The following TIGAR variants were observed in gnomAD, a reference collection of about 807,000 sequenced individuals.
TIGAR encodes the protein fructose-2,6-bisphosphatase TIGAR.
Under a neutral mutation model 17.9 loss-of-function variants are expected in TIGAR, and 7 were observed. The observed-to-expected ratio is 0.39, with a 90% confidence interval of 0.22 to 0.73. The LOEUF is 0.73. Ranked by LOEUF, TIGAR falls within the 30% of genes least tolerant of loss-of-function variation. The probability of loss-of-function intolerance (pLI) is 0.42; values close to 1 mark genes in which losing one functional copy is unlikely to be tolerated. For synonymous variants in TIGAR, 94 were observed against 108.6 expected, an observed-to-expected ratio of 0.87 and a Z score of 0.84; for missense variants, 258 against 327.4, an observed-to-expected ratio of 0.79 and a Z score of 1.64.
At chr12:4,323,102 CAAA>C (rs574120048) in intron 1 of TIGAR, among the ~76,000 whole-genome samples, 2 of 90,966 alleles carry the variant, frequency 2.2e-5, no homozygotes, top group African/African-American at 4.1e-5. Context: ...CTCCTCTCTA[CAAA>C]AAAAAAAAAA....
chr12:4,335,325 C>T (rs1864646529), intron 2 of TIGAR, among the ~76,000 whole-genome samples: 2 of 152,060 alleles, frequency 1.3e-5, no homozygotes, highest in Admixed American at 6.6e-5. Context: ...GCGTGAGCCA[C>T]CATGCCCGGC....
At chr12:4,346,453 T>C (rs1190401736) in intron 3 of TIGAR, among the ~76,000 whole-genome samples, 1 of 152,106 alleles carries the variant, frequency 6.6e-6, no homozygotes, top group Non-Finnish European at 1.5e-5. Flanking sequence ...ATGTCCTCTG[T>C]AGGGACATAG....
chr12:4,324,727 AC>A (rs1864521965), intron 1 of TIGAR: 6 of 746,272 alleles, frequency 8.0e-6, no homozygotes, highest in Non-Finnish European at 1.4e-5. Flanking sequence ...CTCGCAGGAC[AC>A]GTCCCGTCCC....
chr12:4,351,787 C>T (rs1044427592), intron 5 of TIGAR, among the ~76,000 whole-genome samples: 2 of 152,208 alleles, frequency 1.3e-5, no homozygotes, highest in African/African-American at 2.4e-5. Context: ...TGTTCTGCTT[C>T]GAATTGCATA....
intron 3 of TIGAR, among the ~76,000 whole-genome samples, chr12:4,346,008 CTCA>C (rs1292216011): frequency 6.6e-6 from 1 of 152,194 alleles, no homozygotes; most frequent in Non-Finnish European, 1.5e-5. Flanking sequence ...TGAAAAAATG[CTCA>C]TCATCACTGG....
At chr12:4,334,696 G>C (rs1864639972) in intron 2 of TIGAR, among the ~76,000 whole-genome samples, 1 of 152,182 alleles carries the variant, frequency 6.6e-6, no homozygotes, top group Admixed American at 6.5e-5. Flanking sequence ...TCTTTGAAAA[G>C]TCCTCTAGTG....
chr12:4,349,479 G>A lies in TIGAR; in HGVS notation c.193-340G>A, dbSNP rs889398964. 6.6e-5 allele frequency among the ~76,000 whole-genome samples: 10 copies of A among 151,546 alleles called. No homozygotes were observed. In the South Asian group the frequency reaches 1.2e-3, roughly 19 times the overall value. On this transcript the variant is annotated intron_variant, in intron 3 of 5. Transcript: ENST00000179259. ...GTCACCCAGGCTGGAGTGCAGTGGCGCAATCTCAGCTCACTGCAACCTCCG... is the reference window on the plus strand; with the variant it reads ...GTCACCCAGGCTGGAGTGCAGTGGCACAATCTCAGCTCACTGCAACCTCCG...
intron 1 of TIGAR, among the ~76,000 whole-genome samples, chr12:4,328,865 G>A (rs1473696781): frequency 6.6e-6 from 1 of 152,084 alleles, no homozygotes; most frequent in African/African-American, 2.4e-5. Flanking sequence ...GTGAGCCACC[G>A]TGCCTGGCCA....
intron 3 of TIGAR, among the ~76,000 whole-genome samples, chr12:4,339,096 G>A (rs1299664155): frequency 1.9e-4 from 28 of 149,436 alleles, no homozygotes; most frequent in East Asian, 3.9e-4. Flanking sequence ...TTGAAATGAA[G>A]ACTCCAAAAG....
chr12:4,343,019 T>C (rs1478087066), intron 3 of TIGAR, among the ~76,000 whole-genome samples: 1 of 151,808 alleles, frequency 6.6e-6, no homozygotes, highest in Admixed American at 6.6e-5. Flanking sequence ...ACACCTAGGC[T>C]CAAAATAAAG....
At chr12:4,326,010 G>A (rs1864543173) in intron 1 of TIGAR, among the ~76,000 whole-genome samples, 1 of 152,184 alleles carries the variant, frequency 6.6e-6, no homozygotes, top group South Asian at 2.1e-4. Flanking sequence ...GATTTTTGAA[G>A]AAATGCTGCA....
In TIGAR at chr12:4,321,957, G is replaced by C. The variant is rs1243624533; in HGVS notation, c.32+654G>C. ...ATGTATTTGCCAAGTGTTAACGGGAGGTGAAAATCAGGGTAGTTAAGAGCA... is the reference window on the plus strand; with the variant it reads ...ATGTATTTGCCAAGTGTTAACGGGACGTGAAAATCAGGGTAGTTAAGAGCA... On this transcript the variant is annotated intron_variant, in intron 1 of 5. Transcript: ENST00000179259. This position sits in a 1 kb window ranked among gnomAD's most constrained non-coding sequence, Gnocchi z 5.2. Among the ~76,000 whole-genome samples, 3 of 152,058 alleles carry C rather than the reference G, an allele frequency of 2.0e-5. No individual in the cohort carries two copies. The highest frequency in any genetic ancestry group is 7.2e-5 in the African/African-American group (3 of 41,410).
chr12:4,346,773 A>T (rs1864786221), intron 3 of TIGAR, among the ~76,000 whole-genome samples: 2 of 152,182 alleles, frequency 1.3e-5, no homozygotes, highest in Non-Finnish European at 2.9e-5. Context: ...TATATTAAAA[A>T]AAAATGACAA....
At chr12:4,348,598 T>C (rs574417278) in intron 3 of TIGAR, among the ~76,000 whole-genome samples, 1 of 151,576 alleles carries the variant, frequency 6.6e-6, no homozygotes, top group East Asian at 1.9e-4. Context: ...AAAGGAAAAA[T>C]GAAAAAGAAG....
chr12:4,322,900 C>G (rs960249895), intron 1 of TIGAR, among the ~76,000 whole-genome samples: 1 of 152,046 alleles, frequency 6.6e-6, no homozygotes, highest in Non-Finnish European at 1.5e-5. Flanking sequence ...GAACTAGAGG[C>G]CTGATCACCC....
chr12:4,343,815 A>C (rs937243080), intron 3 of TIGAR, among the ~76,000 whole-genome samples: 1 of 152,234 alleles, frequency 6.6e-6, no homozygotes, highest in Non-Finnish European at 1.5e-5. Context: ...TCACAATTGA[A>C]AGAACTAGAG....
intron 3 of TIGAR, 48 bp downstream of exon 3, chr12:4,337,208 C>A: frequency 6.8e-7 from 1 of 1,469,510 alleles, no homozygotes; most frequent in East Asian, 2.4e-5. Context: ...CACTCTATGC[C>A]CAGGCTGGAG....
intron 3 of TIGAR, among the ~76,000 whole-genome samples, chr12:4,342,391 C>A (rs932345854): frequency 6.6e-6 from 1 of 152,108 alleles, no homozygotes; most frequent in Non-Finnish European, 1.5e-5. Context: ...GAGAATGCCA[C>A]AAAGATACTC....
At chr12:4,350,033 A>T in intron 4 of TIGAR, 137 bp downstream of exon 4, 1 of 611,452 alleles carries the variant, frequency 1.6e-6, no homozygotes, top group Non-Finnish European at 2.8e-6. Flanking sequence ...CTACCATATG[A>T]CAGTCACTGT....
Sources: gnomAD v4.1 joint callset for allele counts (sites outside exome capture counted in the v4.1 genomes callset) on GRCh38, gnomAD v4.1.1 for gene constraint, Gnocchi (gnomAD v3.1) non-coding constraint, MANE v1.5 for transcripts, NCBI Gene and HGNC (gene_info 2026-07-23, HGNC 2026-07-21) for gene names.